The following KCNQ5 variants were observed in gnomAD, a reference collection of about 807,000 sequenced individuals.
KCNQ5 encodes the protein potassium voltage-gated channel subfamily KQT member 5.
Under a neutral mutation model 98.2 loss-of-function variants are expected in KCNQ5, and 30 were observed. The observed-to-expected ratio is 0.31, with a 90% CI of 0.23 to 0.41. The LOEUF is 0.41. KCNQ5 is among the 10% of genes least tolerant of loss of function. KCNQ5 has a pLI of 1.00. For missense variants in KCNQ5, 835 were observed against 1,182.5 expected, an observed-to-expected ratio of 0.71 and a Z score of 4.31; for synonymous variants, 458 against 449.4, an observed-to-expected ratio of 1.02 and a Z score of -0.24.
chr6:72,936,432 A>G (rs1765921465), intron 1 of KCNQ5, among the ~76,000 whole-genome samples: 1 of 152,204 alleles, frequency 6.6e-6, no homozygotes, highest in African/African-American at 2.4e-5. Flanking sequence ...ATTCATAGCA[A>G]ACACTCAGTA....
At chr6:73,108,370 T>G (rs750419548) in intron 6 of KCNQ5, among the ~76,000 whole-genome samples, 2 of 152,230 alleles carry the variant, frequency 1.3e-5, no homozygotes, top group African/African-American at 2.4e-5. Flanking sequence ...TTATAGAGAC[T>G]GAATTCCTTG....
At chr6:72,846,174 A>G (rs1777011507) in intron 1 of KCNQ5, among the ~76,000 whole-genome samples, 1 of 152,212 alleles carries the variant, frequency 6.6e-6, no homozygotes, top group South Asian at 2.1e-4. Context: ...GTGTCAAAAA[A>G]TGAGACTTAA....
At chr6:72,897,997 T>G (rs1403094724) in intron 1 of KCNQ5, among the ~76,000 whole-genome samples, 1 of 152,224 alleles carries the variant, frequency 6.6e-6, no homozygotes, top group African/African-American at 2.4e-5. Flanking sequence ...TTCTTGAATA[T>G]TTTGTTCATC....
At chr6:72,793,068 T>C (rs987319184) in intron 1 of KCNQ5, among the ~76,000 whole-genome samples, 2 of 152,192 alleles carry the variant, frequency 1.3e-5, no homozygotes, top group Non-Finnish European at 2.9e-5. Context: ...AGAGAGCACA[T>C]AGGAGATACA....
intron 1 of KCNQ5, among the ~76,000 whole-genome samples, chr6:72,809,953 TCA>T (rs1490293604): frequency 6.6e-6 from 1 of 152,216 alleles, no homozygotes; most frequent in East Asian, 1.9e-4. Flanking sequence ...GAGGCACATG[TCA>T]CAGTTTCTGT....
intron 1 of KCNQ5, among the ~76,000 whole-genome samples, chr6:72,690,211 G>T (rs1768145194): frequency 1.3e-5 from 2 of 152,152 alleles, no homozygotes; most frequent in Non-Finnish European, 1.5e-5. Context: ...GCCAGAGGTT[G>T]CAGTGAGCCG....
chr6:73,179,074 A>G lies in KCNQ5; in HGVS notation c.1577+9220A>G, dbSNP rs181676571. 2.0e-4 allele frequency among the ~76,000 whole-genome samples: 31 copies of G among 152,296 alleles called. 1 individual carries two copies. In the East Asian group the frequency reaches 5.0e-3, roughly 25 times the overall value. On this transcript the variant is annotated intron_variant, in intron 11 of 13. Coordinates refer to ENST00000370398, the MANE Select transcript of KCNQ5 (RefSeq NM_019842.4). Reference sequence around the variant, plus strand: ...CTTGGGGTCCGTGCTTTTAAGACAGATAAATGCTGTATTTCTCATGGAGAG... The same window carrying G: ...CTTGGGGTCCGTGCTTTTAAGACAGGTAAATGCTGTATTTCTCATGGAGAG...
intron 1 of KCNQ5, among the ~76,000 whole-genome samples, chr6:72,917,428 G>GCC (rs35159235): frequency 0.01 from 1,538 of 151,372 alleles, 30 homozygotes; most frequent in African/African-American, 0.035. Flanking sequence ...GGATTTAGGA[G>GCC]CCCCCCCACC....
chr6:73,020,275 A>G lies in KCNQ5; in HGVS notation c.489+16277A>G, dbSNP rs962405740. Reference sequence around the variant, plus strand: ...TATGCTTCCAACCAATCAACTATAGATCAGCGTTCTCGTGACCTTCTCCTT... The same window carrying G: ...TATGCTTCCAACCAATCAACTATAGGTCAGCGTTCTCGTGACCTTCTCCTT... On this transcript the variant is annotated intron_variant, in intron 2 of 13. Transcript: ENST00000370398. Among the ~76,000 whole-genome samples, 5 of 152,266 alleles carry G rather than the reference A, an allele frequency of 3.3e-5. No individual in the cohort carries two copies. The South Asian group carries it at 1.0e-3, about 32-fold the overall frequency.
At chr6:72,649,082 G>A (rs867914327) in intron 1 of KCNQ5, among the ~76,000 whole-genome samples, 2 of 152,124 alleles carry the variant, frequency 1.3e-5, no homozygotes, top group Non-Finnish European at 2.9e-5. Flanking sequence ...GCCTGGAGAT[G>A]GCTGTGTTTG....
intron 10 of KCNQ5, among the ~76,000 whole-genome samples, chr6:73,146,927 T>A (rs532342117): frequency 4.9e-4 from 74 of 152,312 alleles, no homozygotes; most frequent in African/African-American, 1.7e-3. Context: ...TTTTAAAAAA[T>A]TGTTTTCACC....
chr6:72,849,081 G>A (rs1049706546), intron 1 of KCNQ5, among the ~76,000 whole-genome samples: 3 of 151,104 alleles, frequency 2.0e-5, no homozygotes, highest in Non-Finnish European at 4.4e-5. Context: ...AAATGATTTC[G>A]TTCTTTTTAA....
intron 1 of KCNQ5, among the ~76,000 whole-genome samples, chr6:72,891,680 G>A (rs1243954387): frequency 6.6e-6 from 1 of 152,058 alleles, no homozygotes; most frequent in Non-Finnish European, 1.5e-5. Flanking sequence ...TGCCACCTAA[G>A]GTGCAACTCT....
chr6:72,851,055 AG>A (rs946243335), intron 1 of KCNQ5, among the ~76,000 whole-genome samples: 1 of 152,220 alleles, frequency 6.6e-6, no homozygotes, highest in African/African-American at 2.4e-5. Context: ...AATAAAAGGG[AG>A]AAATTTCTCA....
intron 1 of KCNQ5, among the ~76,000 whole-genome samples, chr6:72,626,915 G>T (rs1238340448): frequency 6.6e-6 from 1 of 152,176 alleles, no homozygotes; most frequent in African/African-American, 2.4e-5. Flanking sequence ...ATTCTGACTT[G>T]GTTGATTTGA....
At chr6:73,054,563 C>G (rs1398375537) in intron 3 of KCNQ5, among the ~76,000 whole-genome samples, 1 of 152,112 alleles carries the variant, frequency 6.6e-6, no homozygotes, top group East Asian at 1.9e-4. Context: ...AAATGTGATT[C>G]ATCACATAAA....
At chr6:73,013,733 T>C (rs892606599) in intron 2 of KCNQ5, among the ~76,000 whole-genome samples, 3 of 152,134 alleles carry the variant, frequency 2.0e-5, no homozygotes, top group African/African-American at 7.2e-5. Context: ...CCTCTCATTC[T>C]CTTGCTTCTT....
At chr6:72,881,505 CATG>C (rs762779820) in intron 1 of KCNQ5, among the ~76,000 whole-genome samples, 4 of 152,030 alleles carry the variant, frequency 2.6e-5, no homozygotes, top group Non-Finnish European at 5.9e-5. Flanking sequence ...ATGTGACAAG[CATG>C]ATAAGATAGT....
intron 5 of KCNQ5, among the ~76,000 whole-genome samples, chr6:73,095,246 T>G (rs543415062): frequency 6.6e-6 from 1 of 152,222 alleles, no homozygotes; most frequent in African/African-American, 2.4e-5. Context: ...TGCATTTCTA[T>G]AAGGGTGTCC....
Sources: gnomAD v4.1 joint callset for allele counts (sites outside exome capture counted in the v4.1 genomes callset) on GRCh38, gnomAD v4.1.1 for gene constraint, MANE v1.5 for transcripts, NCBI Gene and HGNC (gene_info 2026-07-23, HGNC 2026-07-21) for gene names.